ABCB1: variants seen among roughly 807,000 people sequenced by gnomAD.
The protein encoded by ABCB1 is ATP binding cassette subfamily B member 1, also known as ATP-dependent translocase ABCB1.
Under a neutral mutation model 142.0 loss-of-function variants are expected in ABCB1, and 69 were observed. The ratio of observed to expected loss-of-function variants is 0.49; its 90% CI spans 0.40 to 0.59. The LOEUF (loss-of-function observed/expected upper bound fraction) is 0.59, where lower values mean the gene tolerates loss of function less well. Among genes scored for constraint, ABCB1 ranks in the 20% least tolerant of loss-of-function variants. The pLI is 0.00. For synonymous variants in ABCB1, 532 were observed against 539.2 expected (o/e 0.99, Z 0.18); for missense variants, 1,326 against 1,554.7 (o/e 0.85, Z 2.47).
chr7:87,693,924 C>T, intron 1 of ABCB1: 1 of 1,609,826 alleles, frequency 6.2e-7, no homozygotes, highest in East Asian at 2.2e-5. Flanking sequence ...CCCAAAGTTG[C>T]AGATGGCTGG....
At chr7:87,581,909 A>G (rs1041167378) in intron 4 of ABCB1, among the ~76,000 whole-genome samples, 3 of 152,170 alleles carry the variant, frequency 2.0e-5, no homozygotes, top group African/African-American at 7.2e-5. Flanking sequence ...ATCTGACTGT[A>G]TCTCGGGCCC....
chr7:87,616,123 CTT>C (rs1820025273), intron 1 of ABCB1, among the ~76,000 whole-genome samples: 1 of 151,984 alleles, frequency 6.6e-6, no homozygotes, highest in Non-Finnish European at 1.5e-5. Context: ...AAGCATCTAC[CTT>C]CTAAAATTAT....
chr7:87,634,540 A>G (rs2130229397), intron 1 of ABCB1, among the ~76,000 whole-genome samples: 1 of 151,074 alleles, frequency 6.6e-6, no homozygotes, highest in Non-Finnish European at 1.5e-5. Context: ...GAGACAGGAG[A>G]ATCACTTGAA....
intron 3 of ABCB1, among the ~76,000 whole-genome samples, chr7:87,588,959 A>C (rs1818872936): frequency 6.6e-6 from 1 of 152,200 alleles, no homozygotes; most frequent in Non-Finnish European, 1.5e-5. Flanking sequence ...AGAAGTCTCT[A>C]TTCATGTCCT....
At chr7:87,569,194 G>A (rs1460603955) in intron 5 of ABCB1, among the ~76,000 whole-genome samples, 1 of 151,920 alleles carries the variant, frequency 6.6e-6, no homozygotes, top group Non-Finnish European at 1.5e-5. Context: ...TTAGCTGGGT[G>A]TAGTGACACA....
intron 19 of ABCB1, among the ~76,000 whole-genome samples, chr7:87,537,531 C>T (rs544231375): frequency 2.6e-5 from 4 of 152,174 alleles, no homozygotes; most frequent in Admixed American, 1.3e-4. Context: ...ACTAGTAGAA[C>T]GGAGCTGTCG....
At chr7:87,589,789 A>AAG (rs879332086) in intron 3 of ABCB1, among the ~76,000 whole-genome samples, 2 of 137,630 alleles carry the variant, frequency 1.5e-5, no homozygotes, top group East Asian at 2.2e-4. Flanking sequence ...TAAAAAAAGA[A>AAG]AGAGAGAGAG....
At chr7:87,684,380 C>G (rs1248663469) in intron 1 of ABCB1, among the ~76,000 whole-genome samples, 2 of 152,062 alleles carry the variant, frequency 1.3e-5, no homozygotes, top group African/African-American at 2.4e-5. Flanking sequence ...AAAACAATTT[C>G]ATGAAGGAAG....
At chr7:87,638,780 GTTTGAC>G (rs1182510346) in intron 1 of ABCB1, among the ~76,000 whole-genome samples, 1 of 151,810 alleles carries the variant, frequency 6.6e-6, no homozygotes, top group Non-Finnish European at 1.5e-5. Context: ...AAGAACCAGC[GTTTGAC>G]TTTGTTGAGT....
chr7:87,712,152 G>A (rs554240024), intron 1 of ABCB1, among the ~76,000 whole-genome samples: 2 of 152,034 alleles, frequency 1.3e-5, no homozygotes, highest in South Asian at 2.1e-4. Context: ...TGTCATGATT[G>A]TAAGTTTGAC....
chr7:87,599,371 G>T (rs1027787118), intron 2 of ABCB1, among the ~76,000 whole-genome samples: 3 of 152,064 alleles, frequency 2.0e-5, no homozygotes, highest in Non-Finnish European at 4.4e-5. Context: ...CAACCTAAAT[G>T]TACTTTTGAC....
At chr7:87,547,797 G>T (rs1200531584) in intron 14 of ABCB1, among the ~76,000 whole-genome samples, 1 of 134,512 alleles carries the variant, frequency 7.4e-6, no homozygotes, top group Non-Finnish European at 1.5e-5. Context: ...GTTGCAGTGA[G>T]CCAAGATTGT....
At chr7:87,620,102 A>G (rs1160620144) in intron 1 of ABCB1, among the ~76,000 whole-genome samples, 3 of 152,128 alleles carry the variant, frequency 2.0e-5, no homozygotes, top group Non-Finnish European at 4.4e-5. Flanking sequence ...TCTTGACATC[A>G]TAGCTGAAAA....
intron 1 of ABCB1, among the ~76,000 whole-genome samples, chr7:87,632,065 G>A (rs1821274840): frequency 6.6e-6 from 1 of 150,778 alleles, no homozygotes; most frequent in South Asian, 2.1e-4. Context: ...CTTTGATTTT[G>A]TAATTCTCTG....
intron 1 of ABCB1, among the ~76,000 whole-genome samples, chr7:87,674,713 GC>G (rs1256878307): frequency 6.6e-6 from 1 of 152,096 alleles, no homozygotes; most frequent in African/African-American, 2.4e-5. Context: ...GCATGATAGG[GC>G]CCCCAGGAAG....
intron 4 of ABCB1, among the ~76,000 whole-genome samples, chr7:87,571,813 G>A (rs542201504): frequency 2.0e-5 from 3 of 152,166 alleles, no homozygotes; most frequent in Admixed American, 6.5e-5. Context: ...TAAAGATTTA[G>A]GATTCATGTG....
intron 1 of ABCB1, among the ~76,000 whole-genome samples, chr7:87,657,534 T>G (rs983181540): frequency 2.6e-5 from 4 of 152,186 alleles, no homozygotes; most frequent in African/African-American, 7.2e-5. Flanking sequence ...GCCAGAGAGA[T>G]AAGATTTCTT....
chr7:87,543,894 G>A (rs1816654036), intron 17 of ABCB1, among the ~76,000 whole-genome samples: 1 of 152,200 alleles, frequency 6.6e-6, no homozygotes, highest in Non-Finnish European at 1.5e-5. Context: ...ATTTCAGGAA[G>A]CTGGTCTTTA....
At chr7:87,546,141 A>G (rs959806146) in intron 14 of ABCB1, 117 bp from the exon 15 acceptor site, 15 of 972,792 alleles carry the variant, frequency 1.5e-5, no homozygotes, top group Middle Eastern at 2.1e-4. Context: ...TCAAATCTAT[A>G]TAAGATAGCC....
Sources: gnomAD v4.1 joint callset for allele counts (sites outside exome capture counted in the v4.1 genomes callset) on GRCh38, gnomAD v4.1.1 for gene constraint, MANE v1.5 for transcripts, NCBI Gene and HGNC (gene_info 2026-07-23, HGNC 2026-07-21) for gene names.